The following EFCAB6 variants were observed in gnomAD, a reference collection of about 807,000 sequenced individuals.
EFCAB6 encodes EF-hand calcium binding domain 6.
A neutral mutation model predicts 169.8 loss-of-function variants in EFCAB6; 156 were observed. The observed-to-expected ratio is 0.92, with a 90% CI of 0.81 to 1.05. The LOEUF (loss-of-function observed/expected upper bound fraction) is 1.05, where lower values mean the gene tolerates loss of function less well. EFCAB6 is among the 50% of genes least tolerant of loss of function. The probability of loss-of-function intolerance (pLI) is 0.00; values close to 1 mark genes in which losing one functional copy is unlikely to be tolerated. For missense variants in EFCAB6, 1,800 were observed against 1,829.1 expected (o/e 0.98, Z 0.29); for synonymous variants, 698 against 676.4 (o/e 1.03, Z -0.50).
At chr22:43,807,836 C>T (rs748180453) in intron 2 of EFCAB6, among the ~76,000 whole-genome samples, 2 of 152,210 alleles carry the variant, frequency 1.3e-5, no homozygotes, top group Non-Finnish European at 2.9e-5. Flanking sequence ...ATCAAGTTCC[C>T]TTTATAGCCT....
At chr22:43,655,932 G>A (rs1195464471) in intron 17 of EFCAB6, among the ~76,000 whole-genome samples, 2 of 152,300 alleles carry the variant, frequency 1.3e-5, no homozygotes, top group East Asian at 1.9e-4. Flanking sequence ...AACAATTCAT[G>A]GGAAGTTTTA....
At chr22:43,768,200 T>C (rs2061375256) in intron 4 of EFCAB6, among the ~76,000 whole-genome samples, 1 of 152,228 alleles carries the variant, frequency 6.6e-6, no homozygotes, top group Non-Finnish European at 1.5e-5. Context: ...TGCATCACTC[T>C]TAATGGAAAC....
At chr22:43,568,053 G>A (rs1414496487) in intron 26 of EFCAB6, among the ~76,000 whole-genome samples, 1 of 152,196 alleles carries the variant, frequency 6.6e-6, no homozygotes, top group East Asian at 1.9e-4. Context: ...ACAGAGCAGT[G>A]AGCCAAAACC....
At chr22:43,601,048 C>G (rs2052484776) in intron 22 of EFCAB6, among the ~76,000 whole-genome samples, 1 of 152,198 alleles carries the variant, frequency 6.6e-6, no homozygotes, top group East Asian at 1.9e-4. Context: ...AAAGCATATT[C>G]AATCTTAAAA....
Position 43,674,713 on chromosome 22 carries a change from T to C in EFCAB6, c.1420-2408A>G, listed in dbSNP as rs150102181. ...TTAAAGAAAACGGATTCTTAACATT[T>C]TATGCGCATTATCCTGTTAAATTCC... On this transcript the variant is annotated intron_variant, in intron 13 of 31. Transcript: ENST00000262726. Among the ~76,000 whole-genome samples, 745 of 152,314 alleles carry C rather than the reference T, an allele frequency of 4.9e-3. 4 individuals are homozygous for C. Among genetic ancestry groups the C allele is most frequent in the African/African-American group, 0.017 (707 of 41,558 alleles).
At chr22:43,677,855 A>G in intron 13 of EFCAB6, 141 bp downstream of exon 13, 1 of 815,946 alleles carries the variant, frequency 1.2e-6, no homozygotes, top group Non-Finnish European at 1.9e-6. Context: ...TAAACACTTG[A>G]CCCTCACTTA....
chr22:43,615,752 G>T, intron 21 of EFCAB6, 74 bp downstream of exon 21: 1 of 1,329,812 alleles, frequency 7.5e-7, no homozygotes, highest in Non-Finnish European at 1.1e-6. Context: ...GATCTGAACA[G>T]CTTCATCATC....
At chr22:43,650,780 A>T (rs142044293) in intron 17 of EFCAB6, among the ~76,000 whole-genome samples, 7,013 of 152,242 alleles carry the variant, frequency 0.046, 560 homozygotes, top group African/African-American at 0.16. Context: ...GAGATGAGGC[A>T]CTTGTTGGGA....
At chr22:43,774,439 C>T (rs1013938591) in intron 3 of EFCAB6, among the ~76,000 whole-genome samples, 3 of 151,526 alleles carry the variant, frequency 2.0e-5, no homozygotes, top group Non-Finnish European at 4.4e-5. Flanking sequence ...CTCTGGGGGG[C>T]ACTTCCACGC....
At chr22:43,533,942 C>T (rs78796344) in intron 30 of EFCAB6, among the ~76,000 whole-genome samples, 3,199 of 152,276 alleles carry the variant, frequency 0.021, 115 homozygotes, top group African/African-American at 0.074. Flanking sequence ...GCTAGGTGAT[C>T]CGCAAGTGCG....
chr22:43,644,013 G>T (rs113966478), intron 17 of EFCAB6, among the ~76,000 whole-genome samples: 2,835 of 151,846 alleles, frequency 0.019, 91 homozygotes, highest in African/African-American at 0.065. Context: ...TAGTAGAGAC[G>T]GGGTTTCACC....
At chr22:43,664,646 G>A (rs1298666135) in intron 17 of EFCAB6, among the ~76,000 whole-genome samples, 2 of 152,322 alleles carry the variant, frequency 1.3e-5, no homozygotes, top group Middle Eastern at 3.4e-3. Context: ...CCAAGGAGCC[G>A]CGATCTTGGC....
intron 8 of EFCAB6, among the ~76,000 whole-genome samples, chr22:43,719,795 G>C (rs1428335108): frequency 1.3e-5 from 2 of 152,280 alleles, no homozygotes; most frequent in African/African-American, 4.8e-5. Flanking sequence ...CTGGCACTTG[G>C]TAGATACTCA....
chr22:43,644,200 C>T (rs2055999272), intron 17 of EFCAB6, among the ~76,000 whole-genome samples: 1 of 152,048 alleles, frequency 6.6e-6, no homozygotes, highest in African/African-American at 2.4e-5. Context: ...ACGGAAGGGA[C>T]AGAGCTGCCC....
intron 22 of EFCAB6, among the ~76,000 whole-genome samples, chr22:43,606,542 C>A (rs1283970397): frequency 2.0e-5 from 3 of 152,228 alleles, no homozygotes; most frequent in African/African-American, 7.2e-5. Context: ...CAGGGAACAT[C>A]ATCTACTGCT....
rs545881559 is a variant in EFCAB6 at position 43,629,587 on chromosome 22, G to A, written c.2232+2518C>T. On this transcript the variant is annotated intron_variant, in intron 19 of 31. Transcript: ENST00000262726. The stretch of plus-strand genomic sequence containing the variant: ...GTGAATGATGTAGAAATGGCTCGGG[G>A]CTCACTGTTGAATCTAACTGCAGCA... 2.0e-5 allele frequency among the ~76,000 whole-genome samples: 3 copies of A among 152,332 alleles called. 1 individual carries two copies. In the South Asian group the frequency reaches 6.2e-4, roughly 32 times the overall value.
intron 27 of EFCAB6, among the ~76,000 whole-genome samples, chr22:43,543,441 C>T (rs112852657): frequency 3.9e-5 from 6 of 152,284 alleles, no homozygotes; most frequent in African/African-American, 4.8e-5. Flanking sequence ...CCAGACCCCC[C>T]GATAGGATGC....
At chr22:43,626,004 T>C (rs1353934017) in intron 20 of EFCAB6, among the ~76,000 whole-genome samples, 5 of 152,222 alleles carry the variant, frequency 3.3e-5, no homozygotes, top group African/African-American at 1.2e-4. Context: ...AAAGCATATA[T>C]TTTTGAACCC....
intron 1 of EFCAB6, among the ~76,000 whole-genome samples, chr22:43,809,685 GCAACCTC>G (rs1397734663): frequency 1.3e-5 from 2 of 152,164 alleles, no homozygotes; most frequent in Non-Finnish European, 2.9e-5. Context: ...TCGGCTCACT[GCAACCTC>G]CACCTCCCAG....
Sources: allele counts gnomAD v4.1 joint callset (sites outside exome capture counted in the v4.1 genomes callset), GRCh38; gene constraint gnomAD v4.1.1; transcripts MANE v1.5; gene names NCBI Gene and HGNC (gene_info 2026-07-23, HGNC 2026-07-21).